VTI1A: variants seen among roughly 807,000 people sequenced by gnomAD.
The protein encoded by VTI1A is vesicle transport through interaction with t-SNAREs 1A.
Under a neutral mutation model 34.9 loss-of-function variants are expected in VTI1A, and 22 were observed. That is an observed-to-expected ratio of 0.63 (90% CI 0.45 to 0.90). The LOEUF is 0.90. Ranked by LOEUF, VTI1A falls within the 40% of genes least tolerant of loss-of-function variation. The probability of loss-of-function intolerance (pLI) is 0.00; values close to 1 mark genes in which losing one functional copy is unlikely to be tolerated. For synonymous variants in VTI1A, 87 were observed against 97.3 expected (o/e 0.89, Z 0.62); for missense variants, 268 against 275.6 (o/e 0.97, Z 0.20).
intron 7 of VTI1A, among the ~76,000 whole-genome samples, chr10:112,741,188 G>T (rs1359806422): frequency 6.6e-6 from 1 of 152,196 alleles, no homozygotes; most frequent in Non-Finnish European, 1.5e-5. Flanking sequence ...AGGCACGGTG[G>T]CTCACGCCTG....
chr10:112,577,999 A>G (rs188925231), intron 5 of VTI1A, among the ~76,000 whole-genome samples: 199 of 152,344 alleles, frequency 1.3e-3, no homozygotes, highest in African/African-American at 4.6e-3. Context: ...GAGAAAATCA[A>G]ATGAAAAAAG....
intron 5 of VTI1A, among the ~76,000 whole-genome samples, chr10:112,551,622 C>G (rs139895342): frequency 9.2e-5 from 14 of 152,228 alleles, no homozygotes; most frequent in Middle Eastern, 3.4e-3. Flanking sequence ...CTTTAATAAG[C>G]TGGAATATCT....
chr10:112,787,728 G>A (rs1852334910), intron 7 of VTI1A, among the ~76,000 whole-genome samples: 1 of 115,198 alleles, frequency 8.7e-6, no homozygotes, highest in African/African-American at 3.4e-5. Flanking sequence ...TTGAGACAGA[G>A]TCTCGCACTG....
chr10:112,844,479 A>G, the VTI1A span, among the ~76,000 whole-genome samples: 1 of 152,160 alleles, frequency 6.6e-6, no homozygotes, highest in Admixed American at 6.5e-5. Context: ...GCTCACTGCA[A>G]TCTCCACCTC....
intron 5 of VTI1A, among the ~76,000 whole-genome samples, chr10:112,546,269 A>C (rs1851123220): frequency 6.6e-6 from 1 of 151,934 alleles, no homozygotes; most frequent in Non-Finnish European, 1.5e-5. Context: ...AGCTATAGTT[A>C]ATATGTATAC....
intron 5 of VTI1A, among the ~76,000 whole-genome samples, chr10:112,540,530 G>T (rs77128743): frequency 1.3e-3 from 200 of 152,314 alleles, no homozygotes; most frequent in Middle Eastern, 3.4e-3. Flanking sequence ...ACATGGACGG[G>T]AGTCATCATT....
intron 4 of VTI1A, among the ~76,000 whole-genome samples, chr10:112,528,503 GAAAA>G (rs57539061): frequency 3.7e-4 from 55 of 147,908 alleles, no homozygotes; most frequent in Non-Finnish European, 6.9e-4. Flanking sequence ...ATAGCTAAAG[GAAAA>G]AAAAAATAGC....
intron 5 of VTI1A, among the ~76,000 whole-genome samples, chr10:112,626,092 G>A (rs1383086165): frequency 2.0e-5 from 3 of 151,800 alleles, no homozygotes; most frequent in Non-Finnish European, 4.4e-5. Context: ...TAATGATTTC[G>A]CAGTAGTTAT....
chr10:112,550,179 CT>C (rs748911862), intron 5 of VTI1A, among the ~76,000 whole-genome samples: 1 of 152,160 alleles, frequency 6.6e-6, no homozygotes, highest in Non-Finnish European at 1.5e-5. Context: ...TCTTGCATCT[CT>C]GTGAGTTTAG....
In VTI1A at chr10:112,774,561, T is replaced by C. The variant is rs113902967; in HGVS notation, c.561-40729T>C. On this transcript the variant is annotated intron_variant, in intron 7 of 7. Transcript: ENST00000393077. ...AAATTAATCTCAGGAGGAACAACTT[T>C]ATGTGAGCACATTTAGAAATAAGTT... 1.3e-3 allele frequency among the ~76,000 whole-genome samples: 205 copies of C among 152,238 alleles called. 1 individual carries two copies. Among genetic ancestry groups the C allele is most frequent in the African/African-American group, 4.8e-3 (199 of 41,536 alleles).
At chr10:112,692,305 G>T (rs914499846) in intron 7 of VTI1A, among the ~76,000 whole-genome samples, 4 of 152,164 alleles carry the variant, frequency 2.6e-5, no homozygotes, top group Non-Finnish European at 5.9e-5. Context: ...ACAAATGAAG[G>T]GTCCTAGTAA....
chr10:112,759,635 C>A (rs1385497962), intron 7 of VTI1A, among the ~76,000 whole-genome samples: 2 of 152,156 alleles, frequency 1.3e-5, no homozygotes, highest in Non-Finnish European at 2.9e-5. Flanking sequence ...TTCAGGGAAT[C>A]CTCCCAGTCA....
At position 112,609,501 on chromosome 10, in the gene VTI1A, G is replaced by A. The variant is rs1845210726; in HGVS notation, c.428-58717G>A. Among the ~76,000 whole-genome samples the A allele has an allele frequency of 2.0e-5, 3 of 152,294 alleles. No homozygotes were observed. In the South Asian group the frequency reaches 6.2e-4, roughly 32 times the overall value. The stretch of plus-strand genomic sequence containing the variant: ...TGTTAATTTTCAAAGTCCTCTTCCT[G>A]AATCTAATACTTTTGAGTATAGTAG... On this transcript the variant is annotated intron_variant, in intron 5 of 7. Coordinates refer to ENST00000393077, the MANE Select transcript of VTI1A (RefSeq NM_145206.4).
chr10:112,799,321 A>G (rs1852790365), intron 7 of VTI1A, among the ~76,000 whole-genome samples: 1 of 152,140 alleles, frequency 6.6e-6, no homozygotes, highest in African/African-American at 2.4e-5. Context: ...GGGTGAGTCT[A>G]CCCCACAGAT....
intron 4 of VTI1A, among the ~76,000 whole-genome samples, chr10:112,531,063 T>TCACACACACACCTCACACA (rs1850411644): frequency 7.2e-6 from 1 of 139,844 alleles, no homozygotes; most frequent in African/African-American, 2.7e-5. Flanking sequence ...GTGACACACC[T>TCACACACACACCTCACACA]CACACACACA....
intron 5 of VTI1A, among the ~76,000 whole-genome samples, chr10:112,627,708 G>A (rs374570283): frequency 2.6e-5 from 4 of 151,942 alleles, no homozygotes; most frequent in African/African-American, 7.3e-5. Context: ...AACAAATATC[G>A]AAGCATCTAC....
At chr10:112,684,817 A>G (rs751352604) in intron 7 of VTI1A, among the ~76,000 whole-genome samples, 1 of 152,182 alleles carries the variant, frequency 6.6e-6, no homozygotes, top group Non-Finnish European at 1.5e-5. Flanking sequence ...ATATCTTCAA[A>G]TAACTTTTCA....
intron 3 of VTI1A, among the ~76,000 whole-genome samples, chr10:112,520,766 T>C (rs751694631): frequency 5.3e-5 from 8 of 151,708 alleles, no homozygotes; most frequent in African/African-American, 1.2e-4. Context: ...ATTTATCTTA[T>C]TGTTTATAGC....
intron 7 of VTI1A, among the ~76,000 whole-genome samples, chr10:112,692,205 C>T (rs564027403): frequency 1.3e-5 from 2 of 152,218 alleles, no homozygotes; most frequent in Non-Finnish European, 2.9e-5. Context: ...ATATGTCTCC[C>T]TATCTGTGCA....
Sources: allele counts gnomAD v4.1 joint callset (sites outside exome capture counted in the v4.1 genomes callset), GRCh38; gene constraint gnomAD v4.1.1; transcripts MANE v1.5; gene names NCBI Gene and HGNC (gene_info 2026-07-23, HGNC 2026-07-21).